The following SPDYE17 variants were observed in gnomAD, a reference collection of about 807,000 sequenced individuals.
The protein encoded by SPDYE17 is speedy/RINGO cell cycle regulator family member E17, also known as speedy protein E17.
For missense variants in SPDYE17, 7 were observed against 38.0 expected, an observed-to-expected ratio of 0.18 and a Z score of 2.15; for synonymous variants, 4 against 14.8, an observed-to-expected ratio of 0.27 and a Z score of 1.68.
chr7:77,030,045 C>A (rs1397783689), intron 2 of SPDYE17, among the ~76,000 whole-genome samples: 1 of 105,226 alleles, frequency 9.5e-6, no homozygotes, highest in African/African-American at 3.7e-5. Context: ...TCCCCAGGTT[C>A]TCCTTCCTGA....
In SPDYE17 at chr7:77,022,876, C is replaced by T. The variant is rs1227330873; in HGVS notation, c.*957G>A. On this transcript the variant is annotated 3_prime_UTR_variant, in exon 8 of 8. Coordinates refer to ENST00000671986, the MANE Select transcript of SPDYE17 (RefSeq NM_001351351.3). ...AAAATAATATTTAAATAATTCTGTA[C>T]CCATGTTTTTCAAAATAAACCAATA... Among the ~76,000 whole-genome samples the T allele has an allele frequency of 1.9e-5, 2 of 105,162 alleles. 1 individual carries two copies. The highest frequency in any genetic ancestry group is 4.3e-5 in the Non-Finnish European group (2 of 46,974). 69.0% of individuals were successfully genotyped at this position (105,162 alleles called of 152,430 possible).
rs1303463671 is a variant in SPDYE17 at position 77,032,231 on chromosome 7, A to G, written c.-454+9T>C. The stretch of plus-strand genomic sequence containing the variant: ...ATCTCAAAAAAAAAAAAAAACAAAC[A>G]AAAAGAACCTGTGGATGAGTTCCCA... On this transcript the variant is annotated intron_variant, in intron 1 of 7. Transcript: ENST00000671986. Among the ~76,000 whole-genome samples, 2 of 122,432 alleles carry G rather than the reference A, an allele frequency of 1.6e-5. No homozygotes were observed. The highest frequency in any genetic ancestry group is 3.3e-5 in the Non-Finnish European group (2 of 60,406). 80.3% of individuals were successfully genotyped at this position (122,432 alleles called of 152,430 possible). A position where few individuals can be genotyped will look rare whatever the true frequency, so the allele number is the denominator to read the frequency against.
chr7:77,027,808 C>T (rs1184696983), intron 4 of SPDYE17, among the ~76,000 whole-genome samples: 1 of 127,996 alleles, frequency 7.8e-6, no homozygotes, highest in Non-Finnish European at 1.6e-5. Context: ...CCAATCTGGC[C>T]AACATGGCAA....
chr7:77,031,826 T>C (rs1482082638), intron 1 of SPDYE17, among the ~76,000 whole-genome samples: 1 of 44,880 alleles, frequency 2.2e-5, no homozygotes, highest in Non-Finnish European at 3.5e-5. Context: ...CGCACTCCAG[T>C]CTGGGCAACA....
intron 5 of SPDYE17, among the ~76,000 whole-genome samples, chr7:77,026,602 A>G (rs1237430806): frequency 8.1e-5 from 12 of 147,622 alleles, no homozygotes; most frequent in African/African-American, 3.0e-4. Flanking sequence ...GGGAAGTGTC[A>G]TGTCCGCTCC....
intron 2 of SPDYE17, among the ~76,000 whole-genome samples, chr7:77,029,666 TC>T (rs1789477616): frequency 1.7e-5 from 1 of 60,586 alleles, no homozygotes; most frequent in African/African-American, 8.2e-5. Flanking sequence ...CTGCCTCATA[TC>T]CTTCCCTGGT....
rs1789473387 is a variant in SPDYE17, at chr7:77,029,301, A to C, written c.281T>G (p.Met94Arg). 1 of 105,498 alleles carries C rather than the reference A, an allele frequency of 9.5e-6. No homozygotes were observed. Among genetic ancestry groups the C allele is most frequent in the East Asian group, 3.2e-4 (1 of 3,110 alleles). The allele number at this position is 105,498 out of a possible 1,614,324, so 6.5% of individuals were successfully genotyped here. Residue 94 changes from methionine to arginine, a missense_variant, in exon 3 of 8, where the codon ATG becomes AGG. Physicochemically the swap from Met to Arg is moderately conservative, Grantham distance 91. Transcript: ENST00000671986. ...CGACACTCGCCGTCGCTTCGCCTTC[A>C]TCTTGAGGCCACACAGCGTCTCCGC... ...WVAETLCGLK[M>R]KAKRRRVSLV...
chr7:77,029,510 G>A (rs1789475591), intron 2 of SPDYE17, 59 bp from the exon 3 acceptor site: 1 of 57,504 alleles, frequency 1.7e-5, no homozygotes, highest in Non-Finnish European at 2.7e-5. Flanking sequence ...GTTAGACCCC[G>A]ACCCCAAACC....
chr7:77,026,463 G>A (rs1789434017), intron 5 of SPDYE17, among the ~76,000 whole-genome samples: 1 of 149,206 alleles, frequency 6.7e-6, no homozygotes, highest in African/African-American at 2.5e-5. Context: ...GCATTTGACA[G>A]TGGATTCGAG....
Position 77,029,333 on chromosome 7 carries a change from G to C in SPDYE17, c.249C>G (p.Thr83=). The change falls in exon 3 of 8, where the codon ACC becomes ACG. Residue 83 remains threonine (T), a synonymous_variant. Transcript: ENST00000671986. ...GGCCACACAGCGTCTCCGCCACCCA[G>C]GTCTCCTCAGGCTCAGGGGCGAGCT... ...EKELAPEPEE[T]WVAETLCGLK... is the part of the protein sequence containing the mutation. 1 of 125,526 alleles carries C rather than the reference G, an allele frequency of 8.0e-6. No homozygotes were observed. Among genetic ancestry groups the C allele is most frequent in the Non-Finnish European group, 1.2e-5 (1 of 80,764 alleles). 7.8% of individuals were successfully genotyped at this position (125,526 alleles called of 1,614,324 possible). A position where few individuals can be genotyped will look rare whatever the true frequency, so the allele number is the denominator to read the frequency against.
intron 2 of SPDYE17, among the ~76,000 whole-genome samples, chr7:77,030,080 CTT>C (rs761251656): frequency 1.5e-4 from 7 of 45,304 alleles, no homozygotes; most frequent in African/African-American, 4.1e-4. Context: ...TTTGTTTCTT[CTT>C]TTTTTTTTTT....
rs1278515231 is a variant in SPDYE17, at chr7:77,022,681, GA to G, written c.*1151del. Among the ~76,000 whole-genome samples the G allele has an allele frequency of 8.4e-6, 1 of 119,530 alleles. No homozygotes were observed. Among genetic ancestry groups the G allele is most frequent in the Non-Finnish European group, 1.9e-5 (1 of 53,432 alleles). The allele number at this position is 119,530 out of a possible 152,430, so 78.4% of individuals were successfully genotyped here. A position where few individuals can be genotyped will look rare whatever the true frequency, so the allele number is the denominator to read the frequency against. ...ATGAAAAGAATCCTCTCTTAAAAAGGAAAACAAAATTATATGTATGTGTATA... is the reference window on the plus strand; with the variant it reads ...ATGAAAAGAATCCTCTCTTAAAAAGGAAACAAAATTATATGTATGTGTATA... On this transcript the variant is annotated 3_prime_UTR_variant, in exon 8 of 8. Coordinates refer to ENST00000671986, the MANE Select transcript of SPDYE17 (RefSeq NM_001351351.3).
chr7:77,026,051 T>C (rs866905914), intron 5 of SPDYE17, among the ~76,000 whole-genome samples: 2 of 127,028 alleles, frequency 1.6e-5, no homozygotes, highest in East Asian at 3.3e-4. Context: ...CACATTATAA[T>C]AGGATGTAAC....
rs1482029563 is a variant in SPDYE17 at position 77,029,406 on chromosome 7, T to C, written c.176A>G (p.Lys59Arg). The C allele has an allele frequency of 8.6e-6, 1 of 116,334 alleles. No homozygotes were observed. Among genetic ancestry groups the C allele is most frequent in the Non-Finnish European group, 1.3e-5 (1 of 76,888 alleles). 7.2% of individuals were successfully genotyped at this position (116,334 alleles called of 1,614,324 possible). ...PSPPRRSLGW[K>R]RKRECLDESD... is the part of the protein sequence containing the mutation. ...TTCATCCAAACATTCCCTCTTCCTT[T>C]TCCAGCCAAGGGACCTACGTGGGGG... is the stretch of plus-strand genomic sequence containing the variant. The change falls in exon 3 of 8, where the codon AAA (lysine) becomes AGA (arginine). Residue 59 changes from lysine to arginine, a missense_variant. By Grantham distance (26) the Lys-to-Arg change is conservative (BLOSUM62 2). Transcript: ENST00000671986.
rs1212814151 is a variant in SPDYE17, at chr7:77,025,777, A to C, written c.495-666T>G. 2 of 140,220 alleles carry C rather than the reference A, an allele frequency of 1.4e-5. 1 individual carries two copies. Among genetic ancestry groups the C allele is most frequent in the African/African-American group, 5.4e-5 (2 of 37,096 alleles). 8.7% of individuals were successfully genotyped at this position (140,220 alleles called of 1,614,324 possible). ...AAATAAATAAATAAATAAATAAATA[A>C]ATAACTGTCCAGGTGTGGTGGTACA... is the stretch of plus-strand genomic sequence containing the variant. On this transcript the variant is annotated intron_variant, in intron 5 of 7. Transcript: ENST00000671986.
rs1373989672 is a variant in SPDYE17, at chr7:77,032,277, C to T, written c.-491G>A. ...TCCCACATGGCTTCCTAACGGGCTG[C>T]GGCTCTCCTAGGAGTCTCTCGCTCA... On this transcript the variant is annotated 5_prime_UTR_variant, in exon 1 of 8. Coordinates refer to ENST00000671986, the MANE Select transcript of SPDYE17 (RefSeq NM_001351351.3). Among the ~76,000 whole-genome samples, 2 of 128,390 alleles carry T rather than the reference C, an allele frequency of 1.6e-5. 1 individual carries two copies. Among genetic ancestry groups the T allele is most frequent in the African/African-American group, 5.7e-5 (2 of 35,202 alleles). The allele number at this position is 128,390 out of a possible 152,430, so 84.2% of individuals were successfully genotyped here.
chr7:77,028,006 C>T (rs1583956169), intron 4 of SPDYE17, 136 bp downstream of exon 4: 1 of 654,188 alleles, frequency 1.5e-6, no homozygotes, highest in African/African-American at 2.0e-5. Flanking sequence ...CAAAAAAAAA[C>T]AAAAACAAAA....
At chr7:77,029,711 T>TTTTG (rs970149660) in intron 2 of SPDYE17, among the ~76,000 whole-genome samples, 4 of 77,002 alleles carry the variant, frequency 5.2e-5, no homozygotes, top group African/African-American at 2.3e-4. Flanking sequence ...TTTTTTTTTT[T>TTTTG]TTTTTTTTGT....
At position 77,022,613 on chromosome 7, in the gene SPDYE17, C is replaced by A. The variant is rs1425050217; in HGVS notation, c.*1220G>T. Among the ~76,000 whole-genome samples, 1 of 96,410 alleles carries A rather than the reference C, an allele frequency of 1.0e-5. No homozygotes were observed. The highest frequency in any genetic ancestry group is 3.3e-5 in the African/African-American group (1 of 30,348). The allele number at this position is 96,410 out of a possible 152,430, so 63.2% of individuals were successfully genotyped here. On this transcript the variant is annotated 3_prime_UTR_variant, in exon 8 of 8. Coordinates refer to ENST00000671986, the MANE Select transcript of SPDYE17 (RefSeq NM_001351351.3). ...AAAAACCATGCTCCCTTCAGCAGCA[C>A]GTGTAATAATAGATACAAAGATTGA...
Sources: allele counts gnomAD v4.1 joint callset (sites outside exome capture counted in the v4.1 genomes callset), GRCh38; gene constraint gnomAD v4.1.1; transcripts MANE v1.5; gene names NCBI Gene and HGNC (gene_info 2026-07-23, HGNC 2026-07-21).